The following FREM1 variants were observed in gnomAD, a reference collection of about 807,000 sequenced individuals.
The protein encoded by FREM1 is FRAS1 related extracellular matrix 1, also known as FRAS1-related extracellular matrix protein 1.
In FREM1, 220 loss-of-function variants were observed where a neutral mutation model predicts 210.1. The observed-to-expected ratio is 1.05, with a 90% CI of 0.94 to 1.17. The LOEUF (loss-of-function observed/expected upper bound fraction) is 1.17. FREM1 is among the 50% of genes most tolerant of loss of function. The pLI is 0.00. For missense variants in FREM1, 3,454 were observed against 2,675.5 expected, an observed-to-expected ratio of 1.29 and a Z score of -6.42; for synonymous variants, 1,189 against 980.2, an observed-to-expected ratio of 1.21 and a Z score of -3.98.
rs763290862 is a variant in FREM1 at position 14,747,486 on chromosome 9, C to CA, written c.5845-59dup. On this transcript the variant is annotated intron_variant, in intron 32 of 36. Coordinates refer to ENST00000380880, the MANE Select transcript of FREM1 (RefSeq NM_001379081.2). ...AAAAAACAAACATCAAGATAGCAAA[C>CA]AAAAAAATGAGCAATTCAAAAATTC... is the stretch of plus-strand genomic sequence containing the variant. 6.6e-6 allele frequency: 10 copies of CA among 1,512,842 alleles called. No homozygotes were observed. In the East Asian group the frequency reaches 2.1e-4, roughly 32 times the overall value. 93.7% of individuals were successfully genotyped at this position (1,512,842 alleles called of 1,614,324 possible).
At chr9:14,757,241 G>A (rs1185186466) in intron 28 of FREM1, among the ~76,000 whole-genome samples, 2 of 152,152 alleles carry the variant, frequency 1.3e-5, no homozygotes, top group Non-Finnish European at 2.9e-5. Flanking sequence ...TCCACCCAAA[G>A]GGTGCCCAAA....
In FREM1 at chr9:14,793,023, T is replaced by C. The variant is rs1015734584; in HGVS notation, c.3840-139A>G. The stretch of plus-strand genomic sequence containing the variant: ...CAATATTCAAAGCACTGAAGATGAC[T>C]AGTGAGAGGAATGAAACAGGCTCTC... On this transcript the variant is annotated intron_variant, in intron 21 of 36. Coordinates refer to ENST00000380880, the MANE Select transcript of FREM1 (RefSeq NM_001379081.2). 5.2e-6 allele frequency: 3 copies of C among 575,458 alleles called. No homozygotes were observed. In the African/African-American group the frequency reaches 5.7e-5, roughly 11 times the overall value. The allele number at this position is 575,458 out of a possible 1,614,324, so 35.6% of individuals were successfully genotyped here.
intron 4 of FREM1, among the ~76,000 whole-genome samples, chr9:14,858,178 A>T (rs891313291): frequency 6.6e-6 from 1 of 152,080 alleles, no homozygotes; most frequent in African/African-American, 2.4e-5. Flanking sequence ...TCACGCACTC[A>T]AATCCTGCGT....
chr9:14,877,700 TG>T lies in FREM1; in HGVS notation c.-267-8457del, dbSNP rs147744939. On this transcript the variant is annotated intron_variant, in intron 1 of 36. Transcript: ENST00000380880. ...TCTACTGTCACAAGGAAATGAATCC[TG>T]CCAACACCCTGAATGAGCTTGGAAG... Among the ~76,000 whole-genome samples, 604 of 152,238 alleles carry T rather than the reference TG, an allele frequency of 4.0e-3. 2 individuals carry two copies. The highest frequency in any genetic ancestry group is 0.014 in the African/African-American group (588 of 41,548).
intron 30 of FREM1, 48 bp from the exon 31 acceptor site, chr9:14,748,687 G>T: frequency 8.2e-7 from 1 of 1,217,038 alleles, no homozygotes. Flanking sequence ...TACACAAACA[G>T]ATAAGGTATC....
chr9:14,846,596 G>A (rs1027347), intron 7 of FREM1, among the ~76,000 whole-genome samples: 120,461 of 152,060 alleles, frequency 0.79, 47,827 homozygotes, highest in East Asian at 0.97. Context: ...GAAAAGATGA[G>A]TGAATTTCCA....
At position 14,776,004 on chromosome 9, in the gene FREM1, G is replaced by A. The variant is rs1293121289; in HGVS notation, c.4642C>T (p.Gln1548Ter). 2 of 1,614,022 alleles carry A rather than the reference G, an allele frequency of 1.2e-6. No homozygotes were observed. Among genetic ancestry groups the A allele is most frequent in the Admixed American group, 1.7e-5 (1 of 60,026 alleles). ...PAENLTFLLV[Q>*]LPQHGQLYLW... ...TAGAGCTGGCCATGCTGGGGGAGCTGAACCAAGAGGAAGGTGAGGTTCTCC... is the reference window on the plus strand; with the variant it reads ...TAGAGCTGGCCATGCTGGGGGAGCTAAACCAAGAGGAAGGTGAGGTTCTCC... Residue 1548 changes from glutamine (Q) to a stop codon, truncating the protein, a stop_gained, in exon 25 of 37, where the codon CAG (glutamine) becomes TAG (stop). Transcript: ENST00000380880. LOFTEE classifies it high-confidence loss of function.
intron 23 of FREM1, among the ~76,000 whole-genome samples, chr9:14,787,632 T>C (rs1210472652): frequency 1.3e-5 from 2 of 152,164 alleles, no homozygotes; most frequent in African/African-American, 4.8e-5. Flanking sequence ...TGAGTGACTC[T>C]AAGGCCTTCA....
chr9:14,903,603 A>T (rs970690929), intron 1 of FREM1, among the ~76,000 whole-genome samples: 1 of 152,126 alleles, frequency 6.6e-6, no homozygotes, highest in Non-Finnish European at 1.5e-5. Context: ...TTGCAGGAGA[A>T]TCATATTTTA....
At chr9:14,848,954 T>A (rs551946512) in intron 6 of FREM1, among the ~76,000 whole-genome samples, 181 bp from the exon 7 acceptor site, 9 of 152,348 alleles carry the variant, frequency 5.9e-5, no homozygotes, top group Admixed American at 4.6e-4. Context: ...ATCTTGTTCC[T>A]TACTTTAACG....
At chr9:14,744,994 A>G (rs906103330) in intron 35 of FREM1, among the ~76,000 whole-genome samples, 1 of 152,212 alleles carries the variant, frequency 6.6e-6, no homozygotes, top group Non-Finnish European at 1.5e-5. Context: ...GGGGGTCATT[A>G]TCTGTAGCAA....
At chr9:14,896,156 T>C (rs1837675656) in intron 1 of FREM1, among the ~76,000 whole-genome samples, 1 of 152,176 alleles carries the variant, frequency 6.6e-6, no homozygotes. Context: ...AAGTGACCTC[T>C]GATCGTCCTC....
intron 22 of FREM1, among the ~76,000 whole-genome samples, chr9:14,792,346 T>C (rs1851575742): frequency 6.7e-6 from 1 of 148,606 alleles, no homozygotes; most frequent in African/African-American, 2.5e-5. Flanking sequence ...ACTGTAGACT[T>C]GAAGGAGTTT....
intron 33 of FREM1, 99 bp downstream of exon 33, chr9:14,747,165 T>C (rs542797406): frequency 1.3e-6 from 2 of 1,572,816 alleles, no homozygotes; most frequent in African/African-American, 1.4e-5. Context: ...GGGTAAACTA[T>C]CCCCCCAACC....
chr9:14,829,967 C>G (rs2130942155), intron 10 of FREM1, among the ~76,000 whole-genome samples: 1 of 152,162 alleles, frequency 6.6e-6, no homozygotes, highest in Non-Finnish European at 1.5e-5. Context: ...GAAGGTGACA[C>G]AAAAGCACAT....
chr9:14,750,253 T>C lies in FREM1; in HGVS notation c.5431A>G (p.Ile1811Val), dbSNP rs754448215. The stretch of plus-strand genomic sequence containing the variant: ...TCTAATCCGTCATAGGTAATTGCTA[T>C]ATTCCACATCTTAGTTGACATTCCT... ...DPGMSTKMWN[I>V]AITYDGLEED... is the part of the protein sequence containing the mutation. The change falls in exon 30 of 37, where the codon ATA (isoleucine) becomes GTA (valine). Residue 1811 changes from isoleucine to valine, a missense_variant. Transcript: ENST00000380880. The C allele has an allele frequency of 6.2e-7, 1 of 1,611,858 alleles. No homozygotes were observed. The highest frequency in any genetic ancestry group is 2.2e-5 in the East Asian group (1 of 44,866).
rs1831168723 is a variant in FREM1 at position 14,864,555 on chromosome 9, T to C, written c.235-652A>G. On this transcript the variant is annotated intron_variant, in intron 2 of 36. Coordinates refer to ENST00000380880, the MANE Select transcript of FREM1 (RefSeq NM_001379081.2). ...ACAGAAATCTAAAAGCAATTTCCTC[T>C]ATTCAAATAAAATTATAATGAACTG... is the stretch of plus-strand genomic sequence containing the variant. 1.3e-5 allele frequency among the ~76,000 whole-genome samples: 2 copies of C among 152,206 alleles called. 1 individual carries two copies. Among genetic ancestry groups the C allele is most frequent in the Admixed American group, 1.3e-4 (2 of 15,274 alleles).
intron 3 of FREM1, among the ~76,000 whole-genome samples, chr9:14,860,570 C>CACATATATATACACATATATAT (rs1829670729): frequency 1.0e-5 from 1 of 98,812 alleles, no homozygotes; most frequent in Non-Finnish European, 1.9e-5. Flanking sequence ...CATATATATA[C>CACATATATATACACATATATAT]ACATATATAT....
At position 14,806,763 on chromosome 9, in the gene FREM1, C is replaced by G; in HGVS notation, c.3172G>C (p.Asp1058His). The part of the protein sequence containing the change: ...LSATDPDTAA[D>H]DLEFVLVSPP... ...GAAACCAAAACAAATTCCAAGTCAT[C>G]TGCTGCAGTGTCAGGGTCAGTGGCG... Residue 1058 changes from aspartate (D) to histidine (H), a missense_variant, in exon 18 of 37, where the codon GAT becomes CAT. Coordinates refer to ENST00000380880, the MANE Select transcript of FREM1 (RefSeq NM_001379081.2). 1 of 1,605,948 alleles carries G rather than the reference C, an allele frequency of 6.2e-7. No homozygotes were observed. Among genetic ancestry groups the G allele is most frequent in the Non-Finnish European group, 8.5e-7 (1 of 1,175,860 alleles).
Sources: allele counts gnomAD v4.1 joint callset (sites outside exome capture counted in the v4.1 genomes callset), GRCh38; gene constraint gnomAD v4.1.1; transcripts MANE v1.5; gene names NCBI Gene and HGNC (gene_info 2026-07-23, HGNC 2026-07-21).